The following FAM227B variants were observed in gnomAD, a reference collection of about 807,000 sequenced individuals.
The protein encoded by FAM227B is protein FAM227B.
In FAM227B, 88 loss-of-function variants were observed where a neutral mutation model predicts 73.8. The observed-to-expected ratio is 1.19, with a 90% CI of 1.00 to 1.42. The LOEUF (loss-of-function observed/expected upper bound fraction) is 1.42. FAM227B is among the 40% of genes most tolerant of loss of function. The probability of loss-of-function intolerance (pLI) is 0.00; values close to 1 mark genes in which losing one functional copy is unlikely to be tolerated. For missense variants in FAM227B, 632 were observed against 590.9 expected, an observed-to-expected ratio of 1.07 and a Z score of -0.72; for synonymous variants, 210 against 190.5, an observed-to-expected ratio of 1.10 and a Z score of -0.84.
At chr15:49,550,857 G>A (rs1359822109) in intron 9 of FAM227B, among the ~76,000 whole-genome samples, 25 of 151,998 alleles carry the variant, frequency 1.6e-4, no homozygotes, top group African/African-American at 4.8e-4. Flanking sequence ...AGGCAGAGAC[G>A]CTCCTCACTT....
rs1300320770 is a variant in FAM227B at position 49,328,059 on chromosome 15, A to G, written c.*509T>C. The stretch of plus-strand genomic sequence containing the variant: ...CCCAGCTTTCTAGCAAATGTGCACA[A>G]AGCTTATTACCAGAGGAGTGATGGA... On this transcript the variant is annotated 3_prime_UTR_variant, in exon 16 of 16. Coordinates refer to ENST00000299338, the MANE Select transcript of FAM227B (RefSeq NM_152647.3). The G allele has an allele frequency of 2.5e-6, 4 of 1,614,086 alleles. No homozygotes were observed. The East Asian group carries it at 6.7e-5, about 27-fold the overall frequency.
At chr15:49,338,198 G>A (rs990947158) in intron 13 of FAM227B, among the ~76,000 whole-genome samples, 15 of 152,088 alleles carry the variant, frequency 9.9e-5, no homozygotes, top group African/African-American at 3.4e-4. Context: ...TGTTTTGCCC[G>A]TTAATTATGT....
At position 49,614,827 on chromosome 15, in the gene FAM227B, C is replaced by G. The variant is rs1050587980; in HGVS notation, c.51+294G>C. 19 of 320,040 alleles carry G rather than the reference C, an allele frequency of 5.9e-5. No homozygotes were observed. In the East Asian group the frequency reaches 1.0e-3, roughly 17 times the overall value. 19.8% of individuals were successfully genotyped at this position (320,040 alleles called of 1,614,324 possible). On this transcript the variant is annotated intron_variant, in intron 2 of 15. Transcript: ENST00000299338. ...ACCACCACTCCCTAATTTCTGTTTT[C>G]CCACACATGGTTACATTTCTTCCTT...
Position 49,591,035 on chromosome 15 carries a change from T to TG in FAM227B, c.106-1029_106-1028insC, listed in dbSNP as rs2076512567. On this transcript the variant is annotated intron_variant, in intron 3 of 15. Coordinates refer to ENST00000299338, the MANE Select transcript of FAM227B (RefSeq NM_152647.3). ...TTCTCTTTCTCTTTTTTTTGTTTTT[T>TG]TTTTTTTTGATTTTTTTTTTTTTTT... 3.5e-5 allele frequency among the ~76,000 whole-genome samples: 5 copies of TG among 141,998 alleles called. No homozygotes were observed. The Admixed American group carries it at 3.7e-4, about 10-fold the overall frequency. 93.2% of individuals were successfully genotyped at this position (141,998 alleles called of 152,430 possible).
intron 13 of FAM227B, among the ~76,000 whole-genome samples, chr15:49,348,272 G>GTATA (rs2041810055): frequency 6.6e-6 from 1 of 152,066 alleles, no homozygotes; most frequent in Non-Finnish European, 1.5e-5. Context: ...CCTCCACAAA[G>GTATA]CTATTCCAAA....
intron 11 of FAM227B, among the ~76,000 whole-genome samples, chr15:49,471,589 G>A (rs1027945736): frequency 6.6e-6 from 1 of 151,578 alleles, no homozygotes; most frequent in African/African-American, 2.4e-5. Context: ...GTAGAGTACT[G>A]AACATAGTTA....
intron 11 of FAM227B, among the ~76,000 whole-genome samples, chr15:49,481,550 G>A (rs1274590129): frequency 2.6e-5 from 4 of 152,152 alleles, no homozygotes; most frequent in Non-Finnish European, 5.9e-5. Flanking sequence ...AATCCTTCAT[G>A]TGCTTGTAAG....
intron 13 of FAM227B, among the ~76,000 whole-genome samples, chr15:49,349,593 G>A (rs1199293217): frequency 6.6e-6 from 1 of 152,092 alleles, no homozygotes. Context: ...TCAAGTAGGG[G>A]AGTTATTAGG....
chr15:49,451,744 AC>A (rs1291629566), intron 11 of FAM227B, among the ~76,000 whole-genome samples: 1 of 152,104 alleles, frequency 6.6e-6, no homozygotes, highest in Non-Finnish European at 1.5e-5. Flanking sequence ...GGGGATTAAT[AC>A]TCCTAAATTT....
At chr15:49,613,540 A>G (rs900202288) in intron 2 of FAM227B, among the ~76,000 whole-genome samples, 8 of 152,152 alleles carry the variant, frequency 5.3e-5, no homozygotes, top group African/African-American at 1.9e-4. Flanking sequence ...GAGAGAATGA[A>G]TAAGATCTAA....
rs549802060 is a variant in FAM227B at position 49,414,130 on chromosome 15, G to A, written c.1013-42731C>T. Reference sequence around the variant, plus strand: ...CAGTATGTCATAATGCACACTATTCGAATACAGAGTAAGTGTTGATTTAAA... The same window carrying A: ...CAGTATGTCATAATGCACACTATTCAAATACAGAGTAAGTGTTGATTTAAA... On this transcript the variant is annotated intron_variant, in intron 11 of 15. Transcript: ENST00000299338. Among the ~76,000 whole-genome samples the A allele has an allele frequency of 4.6e-5, 7 of 151,968 alleles. 1 individual carries two copies. In the South Asian group the frequency reaches 8.3e-4, roughly 18 times the overall value.
chr15:49,336,549 CCTTT>C (rs1359041096), intron 13 of FAM227B, among the ~76,000 whole-genome samples: 1 of 152,182 alleles, frequency 6.6e-6, no homozygotes, highest in Non-Finnish European at 1.5e-5. Context: ...TTCAGTATTA[CCTTT>C]CTCTGAATAT....
In FAM227B at chr15:49,331,841, G is replaced by T; in HGVS notation, c.1358C>A (p.Ala453Glu). ...RNQKDFRILQ[A>E]KATKKPHEVK... is the part of the protein sequence containing the mutation. ...TTCATGAGGTTTCTTGGTAGCCTTTGCTTGGAGTCTAATCATGGAATAAAG... is the reference window on the plus strand; with the variant it reads ...TTCATGAGGTTTCTTGGTAGCCTTTTCTTGGAGTCTAATCATGGAATAAAG... Residue 453 changes from alanine to glutamate, a missense_variant, in exon 15 of 16, where the codon GCA becomes GAA. Coordinates refer to ENST00000299338, the MANE Select transcript of FAM227B (RefSeq NM_152647.3). The T allele has an allele frequency of 1.9e-6, 3 of 1,605,948 alleles. No homozygotes were observed. Among genetic ancestry groups the T allele is most frequent in the Non-Finnish European group, 2.6e-6 (3 of 1,172,734 alleles).
At chr15:49,373,389 ATATT>A (rs2045966235) in intron 11 of FAM227B, among the ~76,000 whole-genome samples, 1 of 152,136 alleles carries the variant, frequency 6.6e-6, no homozygotes, top group Non-Finnish European at 1.5e-5. Context: ...TAAAATGCCT[ATATT>A]TATTAGCTTT....
In FAM227B at chr15:49,412,329, G is replaced by A. The variant is rs768672437; in HGVS notation, c.1013-40930C>T. Among the ~76,000 whole-genome samples, 30 of 152,010 alleles carry A rather than the reference G, an allele frequency of 2.0e-4. 1 individual carries two copies. The Middle Eastern group carries it at 0.014, about 69-fold the overall frequency. On this transcript the variant is annotated intron_variant, in intron 11 of 15. Coordinates refer to ENST00000299338, the MANE Select transcript of FAM227B (RefSeq NM_152647.3). ...ATATTCTTTTTGTTGTGCAATACAG[G>A]GTGGTGTTATAATCTGATATGAGCA...
intron 5 of FAM227B, among the ~76,000 whole-genome samples, chr15:49,586,345 A>G (rs1197620966): frequency 6.6e-6 from 1 of 152,212 alleles, no homozygotes; most frequent in East Asian, 1.9e-4. Context: ...TATGCAGAAG[A>G]TTGAAACTGG....
chr15:49,528,464 T>C (rs2060370024), intron 10 of FAM227B, among the ~76,000 whole-genome samples: 1 of 151,602 alleles, frequency 6.6e-6, no homozygotes, highest in Non-Finnish European at 1.5e-5. Context: ...GACTAAGACT[T>C]CAAAGGCAAA....
intron 10 of FAM227B, among the ~76,000 whole-genome samples, chr15:49,520,252 T>C (rs1398697055): frequency 1.3e-5 from 2 of 152,188 alleles, no homozygotes; most frequent in African/African-American, 4.8e-5. Context: ...GTTAAAGCCA[T>C]TCAACAAATC....
intron 11 of FAM227B, among the ~76,000 whole-genome samples, chr15:49,507,447 G>A (rs1004899683): frequency 7.2e-5 from 11 of 152,012 alleles, no homozygotes; most frequent in African/African-American, 2.4e-4. Flanking sequence ...AATCATCTGA[G>A]GCACTGAGGA....
Sources: allele counts gnomAD v4.1 joint callset (sites outside exome capture counted in the v4.1 genomes callset), GRCh38; gene constraint gnomAD v4.1.1; transcripts MANE v1.5; gene names NCBI Gene and HGNC (gene_info 2026-07-23, HGNC 2026-07-21).